The following SCPEP1 variants were observed in gnomAD, a reference collection of about 807,000 sequenced individuals.
The protein encoded by SCPEP1 is retinoid-inducible serine carboxypeptidase.
Under a neutral mutation model 63.8 loss-of-function variants are expected in SCPEP1, and 51 were observed. The observed-to-expected ratio is 0.80, with a 90% confidence interval of 0.64 to 1.01. SCPEP1 has a LOEUF of 1.01. SCPEP1 is among the 50% of genes least tolerant of loss of function. The pLI, the probability that SCPEP1 is intolerant of heterozygous loss-of-function variation, is 0.00. For missense variants in SCPEP1, 499 were observed against 554.9 expected, an observed-to-expected ratio of 0.90 and a Z score of 1.01; for synonymous variants, 204 against 207.8, an observed-to-expected ratio of 0.98 and a Z score of 0.16.
Position 57,000,855 on chromosome 17 carries a change from G to A in SCPEP1, c.995G>A (p.Gly332Asp). ...KIIPEDQSWG[G>D]QATNVFVNME... ...CCTCTTTCTCCTTCCCCATGTGCAG[G>A]CCAGGCTACCAACGTCTTTGTGAAC... Residue 332 changes from glycine (G) to aspartate (D), a missense_variant and splice_region_variant, in exon 11 of 13, where the codon GGC becomes GAC. Coordinates refer to ENST00000262288, the MANE Select transcript of SCPEP1 (RefSeq NM_021626.3). 1 of 1,614,056 alleles carries A rather than the reference G, an allele frequency of 6.2e-7. No homozygotes were observed. The highest frequency in any genetic ancestry group is 8.5e-7 in the Non-Finnish European group (1 of 1,180,028).
intron 11 of SCPEP1, 43 bp from the exon 12 acceptor site, chr17:57,001,975 C>A: frequency 6.3e-7 from 1 of 1,585,912 alleles, no homozygotes; most frequent in Non-Finnish European, 8.5e-7. Context: ...CCTATTCTAT[C>A]CAGCTGTTAA....
intron 12 of SCPEP1, among the ~76,000 whole-genome samples, chr17:57,003,464 T>G (rs576113507): frequency 2.4e-4 from 36 of 152,060 alleles, no homozygotes; most frequent in African/African-American, 8.4e-4. Context: ...GAAGGGAAAA[T>G]TGGCAGGACT....
At chr17:56,981,366 C>T in intron 2 of SCPEP1, 136 bp downstream of exon 2, 8 of 891,010 alleles carry the variant, frequency 9.0e-6, no homozygotes, top group Non-Finnish European at 1.4e-5. Flanking sequence ...GTTCGGCGTG[C>T]TTCTGAGGTA....
At chr17:56,996,677 G>A (rs1483513334) in intron 8 of SCPEP1, among the ~76,000 whole-genome samples, 1 of 151,092 alleles carries the variant, frequency 6.6e-6, no homozygotes, top group East Asian at 2.0e-4. Flanking sequence ...GCACCACCAC[G>A]CCCGGCTGAT....
intron 6 of SCPEP1, 81 bp downstream of exon 6, chr17:56,991,252 C>A: frequency 9.5e-7 from 1 of 1,056,448 alleles, no homozygotes; most frequent in Non-Finnish European, 1.5e-6. Flanking sequence ...TTGTCCAGAT[C>A]AAAGAGCTAA....
Position 57,006,463 on chromosome 17 carries a change from G to A in SCPEP1, c.*228G>A, listed in dbSNP as rs1567871927. The A allele has an allele frequency of 2.8e-6, 1 of 356,760 alleles. No homozygotes were observed. The allele number at this position is 356,760 out of a possible 1,614,324, so 22.1% of individuals were successfully genotyped here. The stretch of plus-strand genomic sequence containing the variant: ...ATTTTTTAAAAAATTGATTTGTTTT[G>A]ATCAAAATAAAGGATGATAATAGAT... On this transcript the variant is annotated 3_prime_UTR_variant, in exon 13 of 13. Coordinates refer to ENST00000262288, the MANE Select transcript of SCPEP1 (RefSeq NM_021626.3).
At chr17:56,979,601 G>C (rs1185814554) in intron 1 of SCPEP1, among the ~76,000 whole-genome samples, 2 of 152,098 alleles carry the variant, frequency 1.3e-5, no homozygotes, top group Non-Finnish European at 2.9e-5. Context: ...TTTTGTGGAT[G>C]CTAGAAAAGT....
At chr17:56,995,676 T>C in intron 8 of SCPEP1, 41 bp downstream of exon 8, 1 of 1,606,704 alleles carries the variant, frequency 6.2e-7, no homozygotes, top group Non-Finnish European at 8.5e-7. Flanking sequence ...TGCTTGGCTT[T>C]TTCTGGTGGG....
At chr17:56,989,223 G>A (rs549510430) in intron 5 of SCPEP1, among the ~76,000 whole-genome samples, 3 of 152,100 alleles carry the variant, frequency 2.0e-5, no homozygotes, top group African/African-American at 7.2e-5. Flanking sequence ...CAAAACCAAT[G>A]TCCTAGTAGA....
chr17:56,990,370 A>C (rs1199415608), intron 5 of SCPEP1, among the ~76,000 whole-genome samples: 2 of 152,216 alleles, frequency 1.3e-5, no homozygotes, highest in African/African-American at 4.8e-5. Context: ...AATTTAAAAA[A>C]CTTATAGAAA....
chr17:56,995,496 T>G lies in SCPEP1; in HGVS notation c.658-11T>G. On this transcript the variant is annotated splice_polypyrimidine_tract_variant and intron_variant, in intron 7 of 12. Transcript: ENST00000262288. ...TAAAGTGGGTCTTTTTGCTCTTGGTTTGCATTCCAGTCTCTTCTCGAAGAC... is the reference window on the plus strand; with the variant it reads ...TAAAGTGGGTCTTTTTGCTCTTGGTGTGCATTCCAGTCTCTTCTCGAAGAC... 6.2e-7 allele frequency: 1 copy of G among 1,609,064 alleles called. No individual in the cohort carries two copies.
chr17:56,985,083 T>C lies in SCPEP1; in HGVS notation c.226-295T>C, dbSNP rs181043282. On this transcript the variant is annotated intron_variant, in intron 2 of 12. Transcript: ENST00000262288. ...TTGCACCACTGCACTCCAACCTGGG[T>C]GACAAAGTTAGACTCTGTCTGAAAA... is the stretch of plus-strand genomic sequence containing the variant. 185 of 384,444 alleles carry C rather than the reference T, an allele frequency of 4.8e-4. 1 individual carries two copies. The highest frequency in any genetic ancestry group is 1.8e-4 in the Non-Finnish European group (37 of 211,072). 23.8% of individuals were successfully genotyped at this position (384,444 alleles called of 1,614,324 possible). A position where few individuals can be genotyped will look rare whatever the true frequency, so the allele number is the denominator to read the frequency against.
chr17:56,991,230 CT>C, intron 6 of SCPEP1, 59 bp downstream of exon 6: 1 of 1,295,140 alleles, frequency 7.7e-7, no homozygotes, highest in Non-Finnish European at 1.1e-6. Context: ...TTTCCTGGGA[CT>C]TTGGGCTGTG....
In SCPEP1 at chr17:56,985,478, G is replaced by T; in HGVS notation, c.315+11G>T. The T allele has an allele frequency of 6.2e-7, 1 of 1,606,488 alleles. No individual in the cohort carries two copies. Among genetic ancestry groups the T allele is most frequent in the Non-Finnish European group, 8.5e-7 (1 of 1,173,082 alleles). On this transcript the variant is annotated intron_variant, in intron 3 of 12. Transcript: ENST00000262288. ...CGGAAAACCACCTGGGTACAGTGAG[G>T]ACAGTCCTGAGCTAAACCTTGCCCC...
chr17:56,978,175 C>G lies in SCPEP1; in HGVS notation c.16C>G (p.Arg6Gly), dbSNP rs530649277. 2 of 1,526,868 alleles carry G rather than the reference C, an allele frequency of 1.3e-6. No homozygotes were observed. The highest frequency in any genetic ancestry group is 4.6e-5 in the East Asian group (2 of 43,504). The allele number at this position is 1,526,868 out of a possible 1,614,324, so 94.6% of individuals were successfully genotyped here. Residue 6 changes from arginine to glycine, a missense_variant, in exon 1 of 13, where the codon CGG becomes GGG. By Grantham distance (125) the Arg-to-Gly change is moderately radical. Coordinates refer to ENST00000262288, the MANE Select transcript of SCPEP1 (RefSeq NM_021626.3). MELALRRSPVPRWLLL... is the reference protein window; with the variant it reads MELALGRSPVPRWLLL... ...GGTACTTGTCATGGAGCTGGCACTG[C>G]GGCGCTCTCCCGTCCCGCGGTGGTT...
chr17:57,002,496 G>A (rs1911769493), intron 12 of SCPEP1, among the ~76,000 whole-genome samples: 1 of 152,158 alleles, frequency 6.6e-6, no homozygotes, highest in African/African-American at 2.4e-5. Context: ...CGGGTGGATC[G>A]CTTGAGCTCA....
At chr17:56,996,881 A>G in intron 8 of SCPEP1, 81 bp from the exon 9 acceptor site, 1 of 840,860 alleles carries the variant, frequency 1.2e-6, no homozygotes, top group East Asian at 2.6e-5. Flanking sequence ...TGGATAAGAT[A>G]AAGAGCCATG....
intron 9 of SCPEP1, chr17:56,998,051 C>T: frequency 8.3e-6 from 2 of 241,740 alleles, no homozygotes; most frequent in Non-Finnish European, 1.7e-5. Context: ...TGGTGGCTCA[C>T]ACCTGTAATC....
At chr17:57,005,265 C>T (rs894273175) in intron 12 of SCPEP1, among the ~76,000 whole-genome samples, 11 of 152,150 alleles carry the variant, frequency 7.2e-5, no homozygotes, top group Non-Finnish European at 1.5e-5. Flanking sequence ...GAGAGAAGTC[C>T]CTGACGAGGC....
Sources: allele counts gnomAD v4.1 joint callset (sites outside exome capture counted in the v4.1 genomes callset), GRCh38; gene constraint gnomAD v4.1.1; transcripts MANE v1.5; gene names NCBI Gene and HGNC (gene_info 2026-07-23, HGNC 2026-07-21).